Variants in AGPS observed in about 807,000 individuals in gnomAD.
AGPS encodes the protein alkylglycerone phosphate synthase.
A neutral mutation model predicts 90.7 loss-of-function variants in AGPS; 26 were observed. The observed-to-expected ratio is 0.29, with a 90% CI of 0.21 to 0.40. The LOEUF (loss-of-function observed/expected upper bound fraction) is 0.40, where lower values mean the gene tolerates loss of function less well. Among genes scored for constraint, AGPS ranks in the 10% least tolerant of loss-of-function variants. The pLI is 1.00. For synonymous variants in AGPS, 294 were observed against 285.3 expected, an observed-to-expected ratio of 1.03 and a Z score of -0.31; for missense variants, 540 against 816.1, an observed-to-expected ratio of 0.66 and a Z score of 4.12.
intron 1 of AGPS, among the ~76,000 whole-genome samples, chr2:177,414,878 A>C (rs1028229345): frequency 1.4e-5 from 2 of 138,726 alleles, no homozygotes; most frequent in South Asian, 4.6e-4. Context: ...TGCCTATCCC[A>C]TGGGTGCCTA....
chr2:177,442,316 A>G, intron 6 of AGPS, 91 bp from the exon 7 acceptor site: 3 of 983,698 alleles, frequency 3.0e-6, no homozygotes, highest in Middle Eastern at 5.4e-4. Flanking sequence ...TAGTGGCCCT[A>G]TCTGTATACT....
At chr2:177,397,869 A>G (rs1224758698) in intron 1 of AGPS, among the ~76,000 whole-genome samples, 3 of 152,164 alleles carry the variant, frequency 2.0e-5, no homozygotes, top group African/African-American at 7.2e-5. Flanking sequence ...TCTCTACAAA[A>G]ATACAAAGAA....
intron 9 of AGPS, among the ~76,000 whole-genome samples, chr2:177,467,865 C>T (rs1687501278): frequency 6.6e-6 from 1 of 152,110 alleles, no homozygotes; most frequent in African/African-American, 2.4e-5. Flanking sequence ...TGATGAGTCA[C>T]ACATCTCTTT....
At chr2:177,451,412 A>G (rs751406607) in intron 8 of AGPS, among the ~76,000 whole-genome samples, 2 of 152,100 alleles carry the variant, frequency 1.3e-5, no homozygotes, top group Non-Finnish European at 2.9e-5. Flanking sequence ...CAACTTTACT[A>G]AATTCACTAA....
intron 11 of AGPS, among the ~76,000 whole-genome samples, chr2:177,491,018 G>C (rs1306895972): frequency 2.6e-5 from 4 of 151,510 alleles, no homozygotes; most frequent in Non-Finnish European, 5.9e-5. Context: ...ACCACGGCTG[G>C]GTAATACTGT....
At chr2:177,476,043 A>G (rs1687773693) in intron 10 of AGPS, among the ~76,000 whole-genome samples, 2 of 151,532 alleles carry the variant, frequency 1.3e-5, no homozygotes, top group Non-Finnish European at 2.9e-5. Flanking sequence ...TTCCAGTTCT[A>G]GTGATTTGTG....
chr2:177,521,651 A>C (rs998295108), intron 18 of AGPS, among the ~76,000 whole-genome samples: 1 of 152,198 alleles, frequency 6.6e-6, no homozygotes, highest in South Asian at 2.1e-4. Context: ...TTAAATAACT[A>C]TATAGGAATC....
chr2:177,476,770 T>C lies in AGPS; in HGVS notation c.1106-5289T>C, dbSNP rs79737564. On this transcript the variant is annotated intron_variant, in intron 10 of 19. Transcript: ENST00000264167. The stretch of plus-strand genomic sequence containing the variant: ...AAAGTAAGGCATTGAAGTCTCCAAC[T>C]GTTATTGTTGAATTATCTATTTCTC... Among the ~76,000 whole-genome samples the C allele has an allele frequency of 2.1e-3, 327 of 152,288 alleles. 14 individuals carry two copies. In the East Asian group the frequency reaches 0.057, roughly 27 times the overall value.
intron 1 of AGPS, among the ~76,000 whole-genome samples, chr2:177,403,326 A>G (rs1685380978): frequency 6.6e-6 from 1 of 152,220 alleles, no homozygotes; most frequent in Admixed American, 6.5e-5. Flanking sequence ...GTTCTATGTC[A>G]AGATGTTATG....
intron 17 of AGPS, among the ~76,000 whole-genome samples, chr2:177,516,792 T>A (rs1277678157): frequency 6.6e-6 from 1 of 152,200 alleles, no homozygotes; most frequent in East Asian, 1.9e-4. Flanking sequence ...CAAGTTCGTT[T>A]CATTCATTTA....
In AGPS at chr2:177,420,189, G is replaced by A. The variant is rs1320919790; in HGVS notation, c.261-80G>A. The A allele has an allele frequency of 1.5e-5, 13 of 893,490 alleles. 1 individual carries two copies. Among genetic ancestry groups the A allele is most frequent in the Non-Finnish European group, 2.4e-5 (13 of 545,550 alleles). The allele number at this position is 893,490 out of a possible 1,614,324, so 55.3% of individuals were successfully genotyped here. ...GGCATAAGGTATTTTAGATGATTGTGAGTTAATAATCAATGATATACTGTA... is the reference window on the plus strand; with the variant it reads ...GGCATAAGGTATTTTAGATGATTGTAAGTTAATAATCAATGATATACTGTA... On this transcript the variant is annotated intron_variant, in intron 1 of 19. Coordinates refer to ENST00000264167, the MANE Select transcript of AGPS (RefSeq NM_003659.4).
intron 11 of AGPS, among the ~76,000 whole-genome samples, chr2:177,487,579 A>G (rs1247154643): frequency 6.6e-6 from 1 of 152,166 alleles, no homozygotes; most frequent in Non-Finnish European, 1.5e-5. Context: ...AATAAATTAG[A>G]AGGAGTCAGG....
chr2:177,489,498 T>G (rs979140362), intron 11 of AGPS, among the ~76,000 whole-genome samples: 1 of 152,210 alleles, frequency 6.6e-6, no homozygotes, highest in African/African-American at 2.4e-5. Context: ...ATTCAGATTA[T>G]GCAATCAAGT....
intron 16 of AGPS, among the ~76,000 whole-genome samples, chr2:177,510,757 G>C (rs1038311737): frequency 6.6e-6 from 1 of 152,056 alleles, no homozygotes; most frequent in African/African-American, 2.4e-5. Flanking sequence ...AAATTTACTT[G>C]TTGACAACCA....
chr2:177,503,357 A>G (rs964514004), intron 14 of AGPS, among the ~76,000 whole-genome samples: 1 of 152,210 alleles, frequency 6.6e-6, no homozygotes, highest in Non-Finnish European at 1.5e-5. Context: ...ATATGTTATC[A>G]TTATTTTTAA....
intron 8 of AGPS, among the ~76,000 whole-genome samples, chr2:177,450,373 A>C (rs1273722190): frequency 1.3e-5 from 2 of 152,134 alleles, no homozygotes; most frequent in Non-Finnish European, 2.9e-5. Context: ...GTCATAATGC[A>C]AGGTTATAGA....
chr2:177,399,370 G>T (rs1685269646), intron 1 of AGPS, among the ~76,000 whole-genome samples: 2 of 152,122 alleles, frequency 1.3e-5, no homozygotes, highest in Admixed American at 1.3e-4. Flanking sequence ...ATAGCTCTCT[G>T]CCTATTAGTG....
chr2:177,416,820 T>C (rs756756187), intron 1 of AGPS, among the ~76,000 whole-genome samples: 1 of 152,172 alleles, frequency 6.6e-6, no homozygotes, highest in Non-Finnish European at 1.5e-5. Context: ...TGAGCCACTG[T>C]GCCTGGCCCG....
At chr2:177,432,005 G>A (rs1401451736) in intron 2 of AGPS, among the ~76,000 whole-genome samples, 2 of 152,188 alleles carry the variant, frequency 1.3e-5, no homozygotes, top group African/African-American at 4.8e-5. Context: ...CTCTGCCATG[G>A]CTCCAGCCGG....
Sources: allele counts gnomAD v4.1 joint callset (sites outside exome capture counted in the v4.1 genomes callset), GRCh38; gene constraint gnomAD v4.1.1; transcripts MANE v1.5; gene names NCBI Gene and HGNC (gene_info 2026-07-23, HGNC 2026-07-21).